Variants in CFAP54 observed in about 807,000 individuals in gnomAD.
CFAP54 encodes cilia- and flagella-associated protein 54.
CFAP54 carries 290 observed loss-of-function variants against 370.4 expected under a neutral mutation model. That is an observed-to-expected ratio of 0.78 (90% CI 0.71 to 0.86). The LOEUF (loss-of-function observed/expected upper bound fraction) is 0.86, where lower values mean the gene tolerates loss of function less well. Among genes scored for constraint, CFAP54 ranks in the 40% least tolerant of loss-of-function variants. The pLI, the probability that CFAP54 is intolerant of heterozygous loss-of-function variation, is 0.00. For missense variants in CFAP54, 3,399 were observed against 3,528.7 expected (o/e 0.96, Z 0.93); for synonymous variants, 1,206 against 1,236.5 (o/e 0.98, Z 0.52).
At chr12:96,725,614 T>C (rs951006415) in intron 50 of CFAP54, among the ~76,000 whole-genome samples, 1 of 152,258 alleles carries the variant, frequency 6.6e-6, no homozygotes, top group Non-Finnish European at 1.5e-5. Context: ...AATCATGTCA[T>C]CTGCAAACAG....
Position 96,708,715 on chromosome 12 carries a change from T to C in CFAP54, c.6636T>C (p.Ser2212=). 6.2e-7 allele frequency: 1 copy of C among 1,612,592 alleles called. No individual in the cohort carries two copies. Among genetic ancestry groups the C allele is most frequent in the Non-Finnish European group, 8.5e-7 (1 of 1,179,502 alleles). ...FNFVKAYFFL[S]VAATINCVPE... Reference sequence around the variant, plus strand: ...TTGTTAAAGCATACTTTTTCCTAAGTGTGGCTGCGACAATAAATTGTGTCC... The same window carrying C: ...TTGTTAAAGCATACTTTTTCCTAAGCGTGGCTGCGACAATAAATTGTGTCC... The change falls in exon 48 of 68, where the codon AGT becomes AGC. Residue 2212 remains serine, a synonymous_variant. Transcript: ENST00000524981.
At position 96,678,451 on chromosome 12, in the gene CFAP54, C is replaced by T. The variant is rs192282624; in HGVS notation, c.5564-1149C>T. 1.8e-3 allele frequency among the ~76,000 whole-genome samples: 278 copies of T among 152,170 alleles called. 2 individuals are homozygous for T. The highest frequency in any genetic ancestry group is 3.3e-3 in the Non-Finnish European group (224 of 68,008). ...ATTTTTAGTAGAGACGGGGTTTCAC[C>T]GTGTTGGCCAGGATGGTCTCAAACT... On this transcript the variant is annotated intron_variant, in intron 39 of 67. Coordinates refer to ENST00000524981, the MANE Select transcript of CFAP54 (RefSeq NM_001306084.2).
intron 42 of CFAP54, among the ~76,000 whole-genome samples, chr12:96,687,484 A>G (rs375624565): frequency 6.6e-6 from 1 of 152,260 alleles, no homozygotes; most frequent in African/African-American, 2.4e-5. Context: ...GGTTTCCTTC[A>G]TCTCTCCAGT....
At chr12:96,618,703 T>C (rs1042464172) in intron 26 of CFAP54, among the ~76,000 whole-genome samples, 7 of 152,014 alleles carry the variant, frequency 4.6e-5, no homozygotes, top group African/African-American at 9.7e-5. Context: ...CCAGTGGAGG[T>C]TGACGTCCTT....
At position 96,651,790 on chromosome 12, in the gene CFAP54, A is replaced by G; in HGVS notation, c.5075A>G (p.Gln1692Arg). 1.9e-6 allele frequency: 3 copies of G among 1,602,478 alleles called. No homozygotes were observed. Among genetic ancestry groups the G allele is most frequent in the South Asian group, 1.1e-5 (1 of 90,818 alleles). ...GAELLIDMLI[Q>R]LQNTSSIKPI... ...GAATTACTTATTGACATGTTAATAC[A>G]ACTACAAAATACCAGTTCTATTAAG... Residue 1692 changes from glutamine (Q) to arginine (R), a missense_variant, in exon 36 of 68, where the codon CAA becomes CGA. Coordinates refer to ENST00000524981, the MANE Select transcript of CFAP54 (RefSeq NM_001306084.2).
chr12:96,619,540 A>G (rs1344280096), intron 26 of CFAP54, among the ~76,000 whole-genome samples: 1 of 152,120 alleles, frequency 6.6e-6, no homozygotes, highest in East Asian at 1.9e-4. Flanking sequence ...CTTTTGCATG[A>G]TTTAAAAATT....
At chr12:96,856,760 C>A (rs1051831433) in intron 66 of CFAP54, among the ~76,000 whole-genome samples, 1 of 152,172 alleles carries the variant, frequency 6.6e-6, no homozygotes, top group East Asian at 1.9e-4. Flanking sequence ...ATTTTCCTGT[C>A]CTCTTCTGAG....
At chr12:96,520,882 T>C (rs1345515081) in intron 6 of CFAP54, among the ~76,000 whole-genome samples, 1 of 152,242 alleles carries the variant, frequency 6.6e-6, no homozygotes, top group Non-Finnish European at 1.5e-5. Flanking sequence ...TTTTCCTGCC[T>C]GAACTAATTC....
intron 26 of CFAP54, among the ~76,000 whole-genome samples, chr12:96,615,117 C>T (rs894495323): frequency 1.3e-5 from 2 of 152,216 alleles, no homozygotes; most frequent in African/African-American, 4.8e-5. Flanking sequence ...AACTCTACTA[C>T]AAGGCTACAG....
At chr12:96,620,849 T>G (rs569211707) in intron 26 of CFAP54, among the ~76,000 whole-genome samples, 10 of 152,354 alleles carry the variant, frequency 6.6e-5, no homozygotes, top group African/African-American at 1.9e-4. Flanking sequence ...GGGAAATGGC[T>G]CAGCTGTGGG....
chr12:96,842,978 G>C (rs1959238523), intron 66 of CFAP54, among the ~76,000 whole-genome samples: 1 of 152,182 alleles, frequency 6.6e-6, no homozygotes, highest in African/African-American at 2.4e-5. Context: ...GTTTGCAGCT[G>C]CTAGTGATGT....
At chr12:96,597,614 C>T (rs1332845525) in intron 25 of CFAP54, among the ~76,000 whole-genome samples, 1 of 151,512 alleles carries the variant, frequency 6.6e-6, no homozygotes, top group East Asian at 1.9e-4. Flanking sequence ...ATTATGCAGC[C>T]ATTAGAAACA....
chr12:96,734,065 A>G (rs201655812), intron 50 of CFAP54, among the ~76,000 whole-genome samples: 1 of 138,118 alleles, frequency 7.2e-6, no homozygotes, highest in African/African-American at 2.8e-5. Context: ...TGTTGTTGTT[A>G]TTTTCTTGGT....
At chr12:96,755,250 G>A (rs1393664885) in intron 56 of CFAP54, among the ~76,000 whole-genome samples, 1 of 151,924 alleles carries the variant, frequency 6.6e-6, no homozygotes, top group African/African-American at 2.4e-5. Context: ...ATATTTATGG[G>A]GTATAGTGTG....
chr12:96,552,781 T>C (rs1288168575), intron 15 of CFAP54, among the ~76,000 whole-genome samples: 1 of 152,208 alleles, frequency 6.6e-6, no homozygotes, highest in Admixed American at 6.5e-5. Context: ...CTTGGCATCA[T>C]TGCAATTCCC....
At chr12:96,824,515 C>A (rs1284021608) in intron 65 of CFAP54, among the ~76,000 whole-genome samples, 1 of 152,028 alleles carries the variant, frequency 6.6e-6, no homozygotes, top group East Asian at 1.9e-4. Context: ...AGAAAGCATA[C>A]CTTACCTAAG....
intron 26 of CFAP54, among the ~76,000 whole-genome samples, chr12:96,621,228 G>A (rs982682219): frequency 1.3e-5 from 2 of 152,198 alleles, no homozygotes; most frequent in Admixed American, 6.5e-5. Context: ...ATAAGAAGTG[G>A]TGGTGATGTG....
rs1957305395 is a variant in CFAP54, at chr12:96,684,662, A to G, written c.5731A>G (p.Ser1911Gly). Residue 1911 changes from serine (S) to glycine (G), a missense_variant, in exon 41 of 68, where the codon AGC becomes GGC. Around this residue, in one of 3 missense-constraint regions of CFAP54, gnomAD observed 2,796 missense variants for 2,869.7 expected, o/e 0.97. Coordinates refer to ENST00000524981, the MANE Select transcript of CFAP54 (RefSeq NM_001306084.2). ...LAQTQDVLQA[S>G]NQRSLKVQAL... ...TAAAAATATAGATGTTCTCCAAGCCAGCAATCAAAGAAGTCTTAAAGTTCA... is the reference window on the plus strand; with the variant it reads ...TAAAAATATAGATGTTCTCCAAGCCGGCAATCAAAGAAGTCTTAAAGTTCA... 1.2e-6 allele frequency: 2 copies of G among 1,611,902 alleles called. No homozygotes were observed. The highest frequency in any genetic ancestry group is 1.7e-6 in the Non-Finnish European group (2 of 1,179,154).
chr12:96,606,329 A>C (rs924057856), intron 26 of CFAP54, among the ~76,000 whole-genome samples: 5 of 152,216 alleles, frequency 3.3e-5, no homozygotes, highest in African/African-American at 1.2e-4. Flanking sequence ...AGGGCAGACC[A>C]TTCATGTGGA....
Sources: gnomAD v4.1 joint callset for allele counts (sites outside exome capture counted in the v4.1 genomes callset) on GRCh38, gnomAD v4.1.1 for gene constraint, gnomAD v4.1.1 regional missense constraint, MANE v1.5 for transcripts, NCBI Gene and HGNC (gene_info 2026-07-23, HGNC 2026-07-21) for gene names.